The following JAG2 variants were observed in gnomAD, a reference collection of about 807,000 sequenced individuals.
JAG2 encodes jagged canonical Notch ligand 2.
A neutral mutation model predicts 141.7 loss-of-function variants in JAG2; 46 were observed. The observed-to-expected ratio is 0.32, with a 90% CI of 0.26 to 0.42. The LOEUF (loss-of-function observed/expected upper bound fraction) is 0.42, where lower values mean the gene tolerates loss of function less well. Ranked by LOEUF, JAG2 falls within the 10% of genes least tolerant of loss-of-function variation. JAG2 has a pLI of 1.00. For synonymous variants in JAG2, 862 were observed against 763.5 expected (o/e 1.13, Z -2.13); for missense variants, 1,500 against 1,817.5 (o/e 0.83, Z 3.18).
chr14:105,150,528 C>A, intron 12 of JAG2, 76 bp downstream of exon 12: 1 of 1,428,010 alleles, frequency 7.0e-7, no homozygotes, highest in South Asian at 1.3e-5. Flanking sequence ...TCACTCAGGC[C>A]CCATGGTCAG....
chr14:105,146,183 C>A (rs1244378271), intron 22 of JAG2, among the ~76,000 whole-genome samples: 2 of 152,174 alleles, frequency 1.3e-5, no homozygotes, highest in Non-Finnish European at 2.9e-5. Context: ...CGGAGCAAGG[C>A]AGGACCCAGA....
Position 105,141,168 on chromosome 14 carries a change from G to A in JAG2, c.*1527C>T, listed in dbSNP as rs1487621862. 6.6e-6 allele frequency: 1 copy of A among 152,042 alleles called. No homozygotes were observed. The highest frequency in any genetic ancestry group is 1.9e-4 in the East Asian group (1 of 5,176). 9.4% of individuals were successfully genotyped at this position (152,042 alleles called of 1,614,324 possible). A position where few individuals can be genotyped will look rare whatever the true frequency, so the allele number is the denominator to read the frequency against. Reference sequence around the variant, plus strand: ...GCAGGGTAAAGACTTGCACATCACTGACAGGCGGCTCGGAGTCAGCCTTGG... The same window carrying A: ...GCAGGGTAAAGACTTGCACATCACTAACAGGCGGCTCGGAGTCAGCCTTGG... On this transcript the variant is annotated 3_prime_UTR_variant, in exon 26 of 26. Transcript: ENST00000331782.
rs1476272646 is a variant in JAG2, at chr14:105,167,297, G to A, written c.417+460C>T. Among the ~76,000 whole-genome samples, 2 of 152,108 alleles carry A rather than the reference G, an allele frequency of 1.3e-5. No homozygotes were observed. Among genetic ancestry groups the A allele is most frequent in the Admixed American group, 6.5e-5 (1 of 15,292 alleles). On this transcript the variant is annotated intron_variant, in intron 2 of 25. Transcript: ENST00000331782. The surrounding 1 kb of genome is among the most constrained non-coding windows in gnomAD (Gnocchi z 4.8). The stretch of plus-strand genomic sequence containing the variant: ...CCCGGGCCTAGGTCCCACGGCGCCC[G>A]CCCGTGCCCCCCAGGCATCCAGGAA...
chr14:105,160,550 G>A (rs1446653238), intron 2 of JAG2, among the ~76,000 whole-genome samples: 1 of 151,944 alleles, frequency 6.6e-6, no homozygotes, highest in Non-Finnish European at 1.5e-5. Flanking sequence ...GCAACAGGGG[G>A]CAGGGGCTGT....
At chr14:105,164,581 C>T (rs1888854700) in intron 2 of JAG2, among the ~76,000 whole-genome samples, 1 of 152,220 alleles carries the variant, frequency 6.6e-6, no homozygotes, top group African/African-American at 2.4e-5. Context: ...TGCTGAACCT[C>T]ACACCTGCCA....
intron 12 of JAG2, 54 bp downstream of exon 12, chr14:105,150,550 T>C: frequency 3.3e-6 from 5 of 1,505,534 alleles, no homozygotes; most frequent in Non-Finnish European, 4.5e-6. Flanking sequence ...GGACGAGGCC[T>C]GCCCTACAGC....
At chr14:105,145,110 CACCT>C in intron 23 of JAG2, 49 bp from the exon 24 acceptor site, 1 of 1,603,858 alleles carries the variant, frequency 6.2e-7, no homozygotes, top group Non-Finnish European at 8.5e-7. Flanking sequence ...GTGAACCTGA[CACCT>C]ACATCCCTGG....
chr14:105,147,480 G>A lies in JAG2; in HGVS notation c.2393+20C>T, dbSNP rs1566760736. ...CCAAGTCCCACCCACCCCTGCTGTG[G>A]CCCCCAGGGTGCCACTCACCAAGGC... On this transcript the variant is annotated intron_variant, in intron 19 of 25. Transcript: ENST00000331782. 1.2e-6 allele frequency: 2 copies of A among 1,610,334 alleles called. No individual in the cohort carries two copies. The highest frequency in any genetic ancestry group is 8.5e-7 in the Non-Finnish European group (1 of 1,177,698).
At position 105,154,249 on chromosome 14, in the gene JAG2, C is replaced by T. The variant is rs587680464; in HGVS notation, c.788+1313G>A. Among the ~76,000 whole-genome samples, 28 of 152,336 alleles carry T rather than the reference C, an allele frequency of 1.8e-4. No homozygotes were observed. Among genetic ancestry groups the T allele is most frequent in the African/African-American group, 6.3e-4 (26 of 41,586 alleles). ...GCTCTCTGTGCCCCAGTGTCCTCGT[C>T]CCATGGAGGCAAACCCACTCCACAG... On this transcript the variant is annotated intron_variant, in intron 5 of 25. Transcript: ENST00000331782. This position sits in a 1 kb window ranked among gnomAD's most constrained non-coding sequence, Gnocchi z 4.4.
rs1190983447 is a variant in JAG2, at chr14:105,142,395, G to T, written c.*300C>A. The T allele has an allele frequency of 8.2e-6, 3 of 367,000 alleles. No homozygotes were observed. The highest frequency in any genetic ancestry group is 1.5e-5 in the Non-Finnish European group (3 of 200,898). The allele number at this position is 367,000 out of a possible 1,614,324, so 22.7% of individuals were successfully genotyped here. Reference sequence around the variant, plus strand: ...CAGTGCACAACCTCTGGTAACAAACGCTACGATTTGGTGACGACGCAGACA... The same window carrying T: ...CAGTGCACAACCTCTGGTAACAAACTCTACGATTTGGTGACGACGCAGACA... On this transcript the variant is annotated 3_prime_UTR_variant, in exon 26 of 26. Coordinates refer to ENST00000331782, the MANE Select transcript of JAG2 (RefSeq NM_002226.5).
At chr14:105,148,684 G>A (rs75980785) in intron 15 of JAG2, 61 bp downstream of exon 15, 47,304 of 1,396,308 alleles carry the variant, frequency 0.034, 955 homozygotes, top group Non-Finnish European at 0.04. Context: ...CCATCTCAGG[G>A]TGATAAGGGG....
chr14:105,166,421 G>A (rs587603868), intron 2 of JAG2, among the ~76,000 whole-genome samples: 2 of 152,372 alleles, frequency 1.3e-5, no homozygotes, highest in Admixed American at 6.5e-5. Flanking sequence ...CCGTGGGGGC[G>A]AGGGGCTGGG....
chr14:105,142,997 C>CG lies in JAG2; in HGVS notation c.3414_3415insC (p.Glu1139ArgfsTer40). On this transcript the variant is annotated frameshift_variant, in exon 26 of 26. Coordinates refer to ENST00000331782, the MANE Select transcript of JAG2 (RefSeq NM_002226.5). LOFTEE classifies it low-confidence loss of function (END_TRUNC). ...ACGTCCTTGTGGCCCCCCGGCCGCT[C>CG]AATGGGGTTGCGGATGGGGTTGAGC... 6.2e-7 allele frequency: 1 copy of CG among 1,609,164 alleles called. No homozygotes were observed. Among genetic ancestry groups the CG allele is most frequent in the Non-Finnish European group, 8.5e-7 (1 of 1,179,550 alleles).
intron 24 of JAG2, 95 bp downstream of exon 24, chr14:105,144,835 A>C (rs1888173558): frequency 4.0e-6 from 6 of 1,494,174 alleles, no homozygotes; most frequent in Non-Finnish European, 4.5e-6. Flanking sequence ...CCGCACCAGG[A>C]CTAGCCTCGC....
At chr14:105,143,302 G>A (rs1290078432) in intron 25 of JAG2, 132 bp from the exon 26 acceptor site, 3 of 1,319,980 alleles carry the variant, frequency 2.3e-6, no homozygotes, top group African/African-American at 1.5e-5. Flanking sequence ...TGGCTCGTGG[G>A]GAGGGTCCCA....
intron 2 of JAG2, among the ~76,000 whole-genome samples, chr14:105,160,823 A>G (rs1039684119): frequency 2.7e-5 from 4 of 149,368 alleles, no homozygotes; most frequent in African/African-American, 5.0e-5. Flanking sequence ...AGATCGCACC[A>G]TTGCACTCCA....
In JAG2 at chr14:105,167,559, C is replaced by A. The variant is rs1888956855; in HGVS notation, c.417+198G>T. ...CCGCCGCGACCCCGCTCCCGGTGGC[C>A]CCGGGGCCCCGGCGCGCCCACGTGG... is the stretch of plus-strand genomic sequence containing the variant. On this transcript the variant is annotated intron_variant, in intron 2 of 25. Coordinates refer to ENST00000331782, the MANE Select transcript of JAG2 (RefSeq NM_002226.5). The surrounding 1 kb of genome is among the most constrained non-coding windows in gnomAD (Gnocchi z 4.8). Among the ~76,000 whole-genome samples, 1 of 147,282 alleles carries A rather than the reference C, an allele frequency of 6.8e-6. No individual in the cohort carries two copies. The highest frequency in any genetic ancestry group is 6.7e-5 in the Admixed American group (1 of 14,842).
Position 105,148,820 on chromosome 14 carries a change from C to T in JAG2, c.1945G>A (p.Gly649Ser). 1 of 1,598,960 alleles carries T rather than the reference C, an allele frequency of 6.3e-7. No individual in the cohort carries two copies. The highest frequency in any genetic ancestry group is 1.1e-5 in the South Asian group (1 of 88,730). ...DCLGQPCRNG[G>S]TCIDEVDAFR... ...GCGTCCACCTCATCGATGCATGTGC[C>T]CCCATTGCGGCAGGGCTGGCCCAGG... The change falls in exon 15 of 26, where the codon GGC becomes AGC. Residue 649 changes from glycine (G) to serine (S), a missense_variant. Physicochemically the swap from Gly to Ser is moderately conservative, Grantham distance 56. This residue lies in a region of JAG2 where 875 missense variants were observed against 1,202.2 expected (regional missense o/e 0.73). Transcript: ENST00000331782.
rs201228243 is a variant in JAG2 at position 105,143,618 on chromosome 14, G to A, written c.3105C>T (p.Asp1035=). 6.2e-7 allele frequency: 1 copy of A among 1,608,108 alleles called. No homozygotes were observed. The highest frequency in any genetic ancestry group is 8.5e-7 in the Non-Finnish European group (1 of 1,179,738). ...EVAVSFSPAR[D]LPDSSLIQGA... The stretch of plus-strand genomic sequence containing the variant: ...CCTGGATCAGGCTGCTGTCAGGCAG[G>A]TCCCTGGCAGGGCTGAAGGACTGCG... The change falls in exon 25 of 26, where the codon GAC becomes GAT. Residue 1035 remains aspartate (D), a synonymous_variant. Transcript: ENST00000331782.
Sources: allele counts gnomAD v4.1 joint callset (sites outside exome capture counted in the v4.1 genomes callset), GRCh38; gene constraint gnomAD v4.1.1; regional missense constraint gnomAD v4.1.1; non-coding constraint Gnocchi (gnomAD v3.1); transcripts MANE v1.5; gene names NCBI Gene and HGNC (gene_info 2026-07-23, HGNC 2026-07-21).